CPLANE1: variants seen among roughly 807,000 people sequenced by gnomAD.
CPLANE1 encodes the protein ciliogenesis and planar polarity effector complex subunit 1.
Under a neutral mutation model 362.5 loss-of-function variants are expected in CPLANE1, and 263 were observed. The observed-to-expected ratio is 0.73, with a 90% CI of 0.66 to 0.80. The LOEUF (loss-of-function observed/expected upper bound fraction) is 0.80, where lower values mean the gene tolerates loss of function less well. CPLANE1 is among the 30% of genes least tolerant of loss of function. CPLANE1 has a pLI of 0.00. For missense variants in CPLANE1, 3,461 were observed against 3,793.4 expected (o/e 0.91, Z 2.30); for synonymous variants, 1,212 against 1,302.6 (o/e 0.93, Z 1.50).
Position 37,146,472 on chromosome 5 carries a change from C to T in CPLANE1, c.8461+1709G>A, listed in dbSNP as rs74445455. On this transcript the variant is annotated intron_variant, in intron 43 of 52. Coordinates refer to ENST00000651892, the MANE Select transcript of CPLANE1 (RefSeq NM_001384732.1). ...GATTACAGGTGTGAGCCACCACGCCCGGCCTAAAAGACTATTTTTTGAAAC... is the reference window on the plus strand; with the variant it reads ...GATTACAGGTGTGAGCCACCACGCCTGGCCTAAAAGACTATTTTTTGAAAC... 2.6e-4 allele frequency among the ~76,000 whole-genome samples: 39 copies of T among 152,200 alleles called. No homozygotes were observed. The East Asian group carries it at 5.0e-3, about 20-fold the overall frequency.
At chr5:37,138,905 T>C in intron 45 of CPLANE1, 57 bp from the exon 46 acceptor site, 1 of 1,463,354 alleles carries the variant, frequency 6.8e-7, no homozygotes, top group African/African-American at 1.4e-5. Flanking sequence ...CTTAATTACA[T>C]TAAGCAAAAA....
intron 46 of CPLANE1, among the ~76,000 whole-genome samples, chr5:37,132,337 GTTTTTTTTT>G (rs70976278): frequency 3.9e-5 from 3 of 77,776 alleles, no homozygotes; most frequent in African/African-American, 9.9e-5. Context: ...GATTGTTCAA[GTTTTTTTTT>G]TTTTTTTTTT....
At chr5:37,175,085 G>C (rs1780799420) in intron 31 of CPLANE1, among the ~76,000 whole-genome samples, 1 of 152,308 alleles carries the variant, frequency 6.6e-6, no homozygotes, top group Non-Finnish European at 1.5e-5. Flanking sequence ...GGGGGAATGG[G>C]TTTCAGGCTG....
At position 37,116,609 on chromosome 5, in the gene CPLANE1, T is replaced by TTCCTGTGTCCAAAAAAAAAAAATTTCC. The variant is rs1478833534; in HGVS notation, c.9311-1587_9311-1561dup. ...ACTCCCTTCTGGGCGACAGAATGAGTTCCTGTGTCCAAAAAAAAAAAATTT... is the reference window on the plus strand; with the variant it reads ...ACTCCCTTCTGGGCGACAGAATGAGTTCCTGTGTCCAAAAAAAAAAAATTTCCTCCTGTGTCCAAAAAAAAAAAATTT... On this transcript the variant is annotated intron_variant, in intron 50 of 52. Transcript: ENST00000651892. 2.1e-4 allele frequency among the ~76,000 whole-genome samples: 32 copies of TTCCTGTGTCCAAAAAAAAAAAATTTCC among 150,208 alleles called. No individual in the cohort carries two copies. The East Asian group carries it at 5.1e-3, about 24-fold the overall frequency.
At chr5:37,168,448 T>C (rs1339799729) in intron 34 of CPLANE1, among the ~76,000 whole-genome samples, 1 of 148,924 alleles carries the variant, frequency 6.7e-6, no homozygotes, top group Non-Finnish European at 1.5e-5. Context: ...GAAATATTTA[T>C]GAAAGAGTCC....
At chr5:37,245,135 C>A (rs1739124799) in intron 4 of CPLANE1, among the ~76,000 whole-genome samples, 1 of 149,268 alleles carries the variant, frequency 6.7e-6, no homozygotes, top group Non-Finnish European at 1.5e-5. Flanking sequence ...CAGAGCGAGA[C>A]TCCGTCTCAA....
the CPLANE1 span, among the ~76,000 whole-genome samples, chr5:37,099,030 G>A: frequency 2.6e-4 from 39 of 150,174 alleles, no homozygotes; most frequent in Non-Finnish European, 7.4e-5. Context: ...ATAAGTAGAA[G>A]GAAAGACATT....
chr5:37,120,357 A>G lies in CPLANE1; in HGVS notation c.9186-17T>C, dbSNP rs1435231779. On this transcript the variant is annotated splice_polypyrimidine_tract_variant and intron_variant, in intron 49 of 52. Coordinates refer to ENST00000651892, the MANE Select transcript of CPLANE1 (RefSeq NM_001384732.1). ...TGATTCTCTCTATAGTAGAAATCAC[A>G]TAATTATTACATTCCCAGAATCTCA... is the stretch of plus-strand genomic sequence containing the variant. The G allele has an allele frequency of 3.9e-6, 6 of 1,543,484 alleles. No homozygotes were observed. The highest frequency in any genetic ancestry group is 1.7e-4 in the Middle Eastern group (1 of 5,824).
intron 42 of CPLANE1, among the ~76,000 whole-genome samples, chr5:37,149,083 T>G (rs367604343): frequency 3.2e-4 from 49 of 151,532 alleles, no homozygotes; most frequent in Non-Finnish European, 6.3e-4. Context: ...CAAATTGTGG[T>G]GTGTGTGTGT....
In CPLANE1 at chr5:37,191,850, T is replaced by G. The variant is rs563351737; in HGVS notation, c.3811+4008A>C. Among the ~76,000 whole-genome samples, 14 of 152,352 alleles carry G rather than the reference T, an allele frequency of 9.2e-5. No individual in the cohort carries two copies. The South Asian group carries it at 1.5e-3, about 16-fold the overall frequency. ...AAGAGTCAAAAAGGTTTTAATTTTTTTTTAAGTTCATAAAGTAAAAACATT... is the reference window on the plus strand; with the variant it reads ...AAGAGTCAAAAAGGTTTTAATTTTTGTTTAAGTTCATAAAGTAAAAACATT... On this transcript the variant is annotated intron_variant, in intron 21 of 52. Coordinates refer to ENST00000651892, the MANE Select transcript of CPLANE1 (RefSeq NM_001384732.1).
At chr5:37,135,760 G>T (rs1424144949) in intron 46 of CPLANE1, among the ~76,000 whole-genome samples, 1 of 152,068 alleles carries the variant, frequency 6.6e-6, no homozygotes, top group Non-Finnish European at 1.5e-5. Context: ...GAACCAGGGA[G>T]TCAGAGGTTG....
At chr5:37,211,216 G>A in intron 16 of CPLANE1, 1 of 1,456,502 alleles carries the variant, frequency 6.9e-7, no homozygotes, top group East Asian at 2.3e-5. Context: ...GGGATGGAGG[G>A]TAGTTCCCCT....
the CPLANE1 span, among the ~76,000 whole-genome samples, chr5:37,076,502 G>A: frequency 1.7e-4 from 26 of 151,966 alleles, no homozygotes; most frequent in East Asian, 2.1e-3. Flanking sequence ...GGTAGAGACA[G>A]GGTTTCACCA....
chr5:37,174,455 C>T (rs567581302), intron 31 of CPLANE1, among the ~76,000 whole-genome samples: 1 of 152,216 alleles, frequency 6.6e-6, no homozygotes, highest in Admixed American at 6.5e-5. Context: ...AACAATAGTA[C>T]TGTGAACATT....
intron 9 of CPLANE1, among the ~76,000 whole-genome samples, chr5:37,230,241 C>T (rs1580927125): frequency 6.9e-6 from 1 of 144,128 alleles, no homozygotes; most frequent in African/African-American, 2.6e-5. Flanking sequence ...AAAAGAATAA[C>T]TAACCCAAAG....
the CPLANE1 span, among the ~76,000 whole-genome samples, chr5:37,098,132 G>C: frequency 6.6e-6 from 1 of 151,966 alleles, no homozygotes; most frequent in Non-Finnish European, 1.5e-5. Context: ...GGTGGCTCAC[G>C]CCTGTAATCC....
chr5:37,241,026 C>T (rs1436749033), intron 6 of CPLANE1, among the ~76,000 whole-genome samples: 1 of 151,466 alleles, frequency 6.6e-6, no homozygotes, highest in Admixed American at 6.6e-5. Context: ...GTGTCAGCTA[C>T]TCGGGAGGCT....
chr5:37,201,406 G>A (rs1789150997), intron 19 of CPLANE1, among the ~76,000 whole-genome samples, 185 bp downstream of exon 19: 1 of 152,110 alleles, frequency 6.6e-6, no homozygotes, highest in Non-Finnish European at 1.5e-5. Context: ...AACCGATACG[G>A]AAACTTAAAC....
chr5:37,238,487 C>CTTTTTTTTT (rs869153501), intron 8 of CPLANE1, among the ~76,000 whole-genome samples: 4 of 80,646 alleles, frequency 5.0e-5, no homozygotes, highest in Admixed American at 1.5e-4. Flanking sequence ...CCAGCCTTTT[C>CTTTTTTTTT]TTTTTTTTTT....
Sources: allele counts gnomAD v4.1 joint callset (sites outside exome capture counted in the v4.1 genomes callset), GRCh38; gene constraint gnomAD v4.1.1; transcripts MANE v1.5; gene names NCBI Gene and HGNC (gene_info 2026-07-23, HGNC 2026-07-21).